Variants in COL6A1 observed in about 807,000 individuals in gnomAD.
COL6A1 encodes collagen alpha-1(VI) chain.
A neutral mutation model predicts 145.6 loss-of-function variants in COL6A1; 80 were observed. The observed-to-expected ratio is 0.55, with a 90% CI of 0.46 to 0.66. The LOEUF is 0.66. COL6A1 is among the 30% of genes least tolerant of loss of function. The pLI, the probability that COL6A1 is intolerant of heterozygous loss-of-function variation, is 0.00. For missense variants in COL6A1, 1,364 were observed against 1,473.8 expected (o/e 0.93, Z 1.22); for synonymous variants, 638 against 622.8 (o/e 1.02, Z -0.36).
rs2077817412 is a variant in COL6A1 at position 45,998,156 on chromosome 21, C to T, written c.1560C>T (p.Gly520=). The T allele has an allele frequency of 1.9e-6, 3 of 1,612,244 alleles. No individual in the cohort carries two copies. The highest frequency in any genetic ancestry group is 2.5e-6 in the Non-Finnish European group (3 of 1,179,682). ...EDGPAGNGTE[G]FPGFPGYPGN... is the part of the protein sequence containing the mutation. ...GCCCCGCTGGAAATGGCACCGAGGG[C>T]TTCCCCGGCTTCCCCGTAAGTGTCC... The change falls in exon 23 of 35, where the codon GGC becomes GGT. Residue 520 remains glycine, a synonymous_variant. Coordinates refer to ENST00000361866, the MANE Select transcript of COL6A1 (RefSeq NM_001848.3).
chr21:46,000,778 G>A lies in COL6A1; in HGVS notation c.1822+11G>A, dbSNP rs566601241. On this transcript the variant is annotated intron_variant, in intron 29 of 34. Coordinates refer to ENST00000361866, the MANE Select transcript of COL6A1 (RefSeq NM_001848.3). The stretch of plus-strand genomic sequence containing the variant: ...CCTCAGCTTGCTGTGGTGAGACCCA[G>A]GCTCTAGCTCCTGAGAGAATGGATC... The A allele has an allele frequency of 1.7e-4, 270 of 1,613,914 alleles. No homozygotes were observed. The highest frequency in any genetic ancestry group is 2.3e-4 in the Admixed American group (14 of 60,026).
chr21:45,987,811 G>A (rs1478058952), intron 8 of COL6A1, among the ~76,000 whole-genome samples, 157 bp downstream of exon 8: 1 of 56,472 alleles, frequency 1.8e-5, no homozygotes, highest in African/African-American at 6.8e-5. Context: ...TGGAGGGGAC[G>A]GCGGGAGTCC....
chr21:45,991,111 C>T (rs1325994848), intron 15 of COL6A1, 70 bp downstream of exon 15: 36 of 1,540,982 alleles, frequency 2.3e-5, no homozygotes, highest in Admixed American at 1.2e-4. Context: ...GGAAACCTCT[C>T]CTGGAAGCAA....
Position 45,992,815 on chromosome 21 carries a change from G to C in COL6A1, c.1335+5G>C. Reference sequence around the variant, plus strand: ...CGGGGACCAAGAGGAGACCCTGTGAGTCACAGTTCCTGGAGCTGGGAACCA... The same window carrying C: ...CGGGGACCAAGAGGAGACCCTGTGACTCACAGTTCCTGGAGCTGGGAACCA... On this transcript the variant is annotated splice_donor_5th_base_variant and intron_variant, in intron 19 of 34. Transcript: ENST00000361866. 6.3e-7 allele frequency: 1 copy of C among 1,594,092 alleles called. No homozygotes were observed. Among genetic ancestry groups the C allele is most frequent in the Non-Finnish European group, 8.5e-7 (1 of 1,170,632 alleles).
Position 45,997,707 on chromosome 21 carries a change from G to A in COL6A1, c.1469G>A (p.Arg490Lys). 6.3e-7 allele frequency: 1 copy of A among 1,591,432 alleles called. No individual in the cohort carries two copies. ...DEGPPGSEGARGAPGPAGPPG... is the reference protein window; with the variant it reads ...DEGPPGSEGAKGAPGPAGPPG... ...CCTCCTCTTCCTCCTCAGGGTGCCA[G>A]AGGAGCCCCAGGACCTGCCGGACCC... The change falls in exon 22 of 35, where the codon AGA (arginine) becomes AAA (lysine). Residue 490 changes from arginine to lysine, a missense_variant. Transcript: ENST00000361866.
chr21:45,992,653 T>TG, intron 18 of COL6A1, 95 bp from the exon 19 acceptor site: 10 of 1,304,170 alleles, frequency 7.7e-6, no homozygotes, highest in Non-Finnish European at 9.7e-6. Context: ...GGGGTCCTGC[T>TG]GGGGGAGTCA....
At chr21:45,991,927 A>G in intron 15 of COL6A1, 83 bp from the exon 16 acceptor site, 11 of 1,369,988 alleles carry the variant, frequency 8.0e-6, no homozygotes, top group African/African-American at 1.4e-5. Flanking sequence ...AGTATGGGTG[A>G]GAGGCCCTGG....
intron 23 of COL6A1, 51 bp from the exon 24 acceptor site, chr21:45,998,347 C>T (rs758899011): frequency 1.9e-6 from 3 of 1,611,196 alleles, no homozygotes; most frequent in Admixed American, 1.7e-5. Flanking sequence ...CCCTCACAGC[C>T]TCCCCTCTCA....
At chr21:45,999,750 G>A (rs1236051290) in intron 27 of COL6A1, 58 bp downstream of exon 27, 2 of 1,582,592 alleles carry the variant, frequency 1.3e-6, no homozygotes, top group African/African-American at 1.3e-5. Flanking sequence ...CATCCCTTGG[G>A]GTGTGGGTCC....
At chr21:45,992,519 GGTT>G in intron 18 of COL6A1, 121 bp downstream of exon 18, 1 of 1,277,824 alleles carries the variant, frequency 7.8e-7, no homozygotes, top group South Asian at 1.4e-5. Context: ...AAGACAAATG[GGTT>G]TCTTCACCCA....
At chr21:46,001,067 AGCC>A (rs1295430939) in intron 29 of COL6A1, 183 bp from the exon 30 acceptor site, 26 of 870,702 alleles carry the variant, frequency 3.0e-5, no homozygotes, top group Non-Finnish European at 4.5e-5. Context: ...AGCCCTGACC[AGCC>A]GCCGGACAGA....
Position 45,997,682 on chromosome 21 carries a change from C to T in COL6A1, c.1462-18C>T. The T allele has an allele frequency of 6.3e-7, 1 of 1,578,640 alleles. No homozygotes were observed. Among genetic ancestry groups the T allele is most frequent in the Non-Finnish European group, 8.6e-7 (1 of 1,162,112 alleles). On this transcript the variant is annotated intron_variant, in intron 21 of 34. Transcript: ENST00000361866. ...CCATGCTAAGCCTGCTCCCCTCACG[C>T]CTCCTCTTCCTCCTCAGGGTGCCAG...
intron 20 of COL6A1, among the ~76,000 whole-genome samples, chr21:45,996,464 G>A (rs1384639469): frequency 6.6e-6 from 1 of 152,248 alleles, no homozygotes; most frequent in Non-Finnish European, 1.5e-5. Flanking sequence ...TGGAGGCCAC[G>A]GGGTCAGGAT....
At chr21:45,984,119 C>A in intron 2 of COL6A1, 150 bp from the exon 3 acceptor site, 1 of 815,614 alleles carries the variant, frequency 1.2e-6, no homozygotes, top group Non-Finnish European at 2.0e-6. Context: ...CCAGGAGGGC[C>A]GGCCTCAGGG....
chr21:45,999,643 C>A lies in COL6A1; in HGVS notation c.1741-14C>A, dbSNP rs201088377. The A allele has an allele frequency of 8.7e-6, 14 of 1,613,126 alleles. No homozygotes were observed. The highest frequency in any genetic ancestry group is 1.1e-5 in the South Asian group (1 of 90,954). On this transcript the variant is annotated splice_polypyrimidine_tract_variant and intron_variant, in intron 26 of 34. Coordinates refer to ENST00000361866, the MANE Select transcript of COL6A1 (RefSeq NM_001848.3). ...CCTCACCCTCAGAGCTCCTCTACTCCGTTTCTCGGACAGGGACCCCCAGGA... is the reference window on the plus strand; with the variant it reads ...CCTCACCCTCAGAGCTCCTCTACTCAGTTTCTCGGACAGGGACCCCCAGGA...
intron 13 of COL6A1, 91 bp from the exon 14 acceptor site, chr21:45,990,682 G>A (rs2077771578): frequency 6.0e-6 from 7 of 1,170,366 alleles, no homozygotes; most frequent in Non-Finnish European, 9.0e-6. Context: ...GGGAGGGTGT[G>A]GAGGGCATGG....
At position 46,002,094 on chromosome 21, in the gene COL6A1, C is replaced by T. The variant is rs540750309; in HGVS notation, c.2066+24C>T. On this transcript the variant is annotated intron_variant, in intron 31 of 34. Transcript: ENST00000361866. Reference sequence around the variant, plus strand: ...GAGTGAGTGCCCCACGCGGCCAGGACCCTCCCACCCCTCGCCCCGACCGCT... The same window carrying T: ...GAGTGAGTGCCCCACGCGGCCAGGATCCTCCCACCCCTCGCCCCGACCGCT... 4 of 1,595,708 alleles carry T rather than the reference C, an allele frequency of 2.5e-6. No individual in the cohort carries two copies. The South Asian group carries it at 4.5e-5, about 18-fold the overall frequency.
rs1469287281 is a variant in COL6A1, at chr21:45,989,761, G to A, written c.913G>A (p.Gly305Arg). The A allele has an allele frequency of 6.2e-7, 1 of 1,612,980 alleles. No individual in the cohort carries two copies. Among genetic ancestry groups the A allele is most frequent in the East Asian group, 2.2e-5 (1 of 44,864 alleles). The change falls in exon 11 of 35, where the codon GGG becomes AGG. Residue 305 changes from glycine to arginine, a missense_variant. Physicochemically the swap from Gly to Arg is moderately radical, Grantham distance 125. Coordinates refer to ENST00000361866, the MANE Select transcript of COL6A1 (RefSeq NM_001848.3). ...VGYQGMKGEK[G>R]SRGEKGSRGP... The stretch of plus-strand genomic sequence containing the variant: ...TCCGCTGGGTGTGTAGGGAGAAAAA[G>A]GGAGCCGTGGGGAGAAGGTGAGTGA...
At chr21:45,995,058 G>A (rs541852726) in intron 20 of COL6A1, among the ~76,000 whole-genome samples, 8 of 152,370 alleles carry the variant, frequency 5.3e-5, no homozygotes, top group Admixed American at 3.3e-4. Flanking sequence ...GGGAGAGGCC[G>A]TCCCAGTGCA....
Sources: allele counts gnomAD v4.1 joint callset (sites outside exome capture counted in the v4.1 genomes callset), GRCh38; gene constraint gnomAD v4.1.1; transcripts MANE v1.5; gene names NCBI Gene and HGNC (gene_info 2026-07-23, HGNC 2026-07-21).